CSMD1: variants seen among roughly 807,000 people sequenced by gnomAD.
The protein encoded by CSMD1 is CUB and Sushi multiple domains 1.
Under a neutral mutation model 417.5 loss-of-function variants are expected in CSMD1, and 213 were observed. That is an observed-to-expected ratio of 0.51 (90% CI 0.46 to 0.57). The LOEUF (loss-of-function observed/expected upper bound fraction) is 0.57. Ranked by LOEUF, CSMD1 falls within the 20% of genes least tolerant of loss-of-function variation. CSMD1 has a pLI of 0.00. For synonymous variants in CSMD1, 2,862 were observed against 1,736.8 expected, an observed-to-expected ratio of 1.65 and a Z score of -16.11; for missense variants, 6,923 against 4,529.7, an observed-to-expected ratio of 1.53 and a Z score of -15.17.
intron 6 of CSMD1, among the ~76,000 whole-genome samples, chr8:3,733,199 ACACACACT>A (rs61512438): frequency 0.066 from 8,772 of 132,478 alleles, 926 homozygotes; most frequent in African/African-American, 0.21. Flanking sequence ...ACACACACAC[ACACACACT>A]CTCTCTCTCT....
intron 3 of CSMD1, among the ~76,000 whole-genome samples, chr8:4,154,337 G>C (rs924571018): frequency 2.0e-5 from 3 of 152,320 alleles, no homozygotes; most frequent in African/African-American, 4.8e-5. Flanking sequence ...ATGTAGTCCA[G>C]GAGTATTCAG....
intron 1 of CSMD1, among the ~76,000 whole-genome samples, chr8:4,816,057 C>T: frequency 6.6e-6 from 1 of 152,168 alleles, no homozygotes; most frequent in East Asian, 1.9e-4. Flanking sequence ...CACAGATAAA[C>T]ACAGCAGGAC....
At chr8:3,864,409 G>C (rs367932342) in intron 5 of CSMD1, among the ~76,000 whole-genome samples, 2 of 152,268 alleles carry the variant, frequency 1.3e-5, no homozygotes, top group Non-Finnish European at 1.5e-5. Context: ...ATGAAGGTGA[G>C]AAAAAGCATG....
At chr8:4,117,159 C>T (rs749962615) in intron 3 of CSMD1, among the ~76,000 whole-genome samples, 23 of 151,864 alleles carry the variant, frequency 1.5e-4, no homozygotes, top group Non-Finnish European at 3.4e-4. Context: ...GACACGTCCT[C>T]GAATTATCTG....
intron 2 of CSMD1, among the ~76,000 whole-genome samples, chr8:4,463,579 G>T (rs1272770483): frequency 6.6e-6 from 1 of 152,094 alleles, no homozygotes; most frequent in Non-Finnish European, 1.5e-5. Context: ...AAATACAGAA[G>T]AAGTGAACTG....
At chr8:3,003,003 T>C (rs775237392) in intron 52 of CSMD1, among the ~76,000 whole-genome samples, 13 of 152,244 alleles carry the variant, frequency 8.5e-5, no homozygotes, top group Non-Finnish European at 1.3e-4. Context: ...AGAACAATTA[T>C]TTCTTCATTG....
chr8:3,324,752 C>G (rs751205577), intron 23 of CSMD1, among the ~76,000 whole-genome samples: 1 of 152,196 alleles, frequency 6.6e-6, no homozygotes, highest in Non-Finnish European at 1.5e-5. Flanking sequence ...TTCCTTCACC[C>G]CACCTTCCAT....
intron 9 of CSMD1, among the ~76,000 whole-genome samples, chr8:3,584,508 C>T (rs771491971): frequency 3.3e-5 from 5 of 150,932 alleles, no homozygotes; most frequent in Admixed American, 6.6e-5. Flanking sequence ...CTGGATGGAG[C>T]AGCTGTTTCC....
Position 4,656,908 on chromosome 8 carries a change from G to C in CSMD1, c.86-19350C>G, listed in dbSNP as rs557762750. 7.2e-5 allele frequency among the ~76,000 whole-genome samples: 11 copies of C among 152,124 alleles called. No homozygotes were observed. The South Asian group carries it at 2.3e-3, about 32-fold the overall frequency. ...CATCTTATCTGTCCTAATCCATCTG[G>C]GGGCGGCCTGAAACACTGACAAAAG... On this transcript the variant is annotated intron_variant, in intron 1 of 69. Transcript: ENST00000635120.
At chr8:4,121,040 G>A (rs558175993) in intron 3 of CSMD1, among the ~76,000 whole-genome samples, 1 of 152,148 alleles carries the variant, frequency 6.6e-6, no homozygotes, top group South Asian at 2.1e-4. Flanking sequence ...AGTAGTCCAG[G>A]AACAAAGGAG....
At chr8:4,743,608 C>T (rs931400257) in intron 1 of CSMD1, among the ~76,000 whole-genome samples, 10 of 152,072 alleles carry the variant, frequency 6.6e-5, no homozygotes, top group South Asian at 4.1e-4. Context: ...GATAGTCAAA[C>T]GCTATTCAAA....
chr8:4,547,958 G>A (rs1426765778), intron 2 of CSMD1, among the ~76,000 whole-genome samples: 2 of 152,074 alleles, frequency 1.3e-5, no homozygotes, highest in African/African-American at 4.8e-5. Context: ...ACAAAAGAAG[G>A]GTAATTACAT....
intron 41 of CSMD1, among the ~76,000 whole-genome samples, chr8:3,121,576 A>G (rs751619639): frequency 1.3e-5 from 2 of 152,166 alleles, no homozygotes; most frequent in Non-Finnish European, 2.9e-5. Context: ...TATGTCGCTC[A>G]TTACTAACAG....
chr8:4,848,913 T>A (rs1801305655), intron 1 of CSMD1, among the ~76,000 whole-genome samples: 1 of 152,262 alleles, frequency 6.6e-6, no homozygotes, highest in Admixed American at 6.5e-5. Context: ...TTGTACTTTT[T>A]ATTGTTGCTT....
intron 3 of CSMD1, among the ~76,000 whole-genome samples, chr8:4,383,159 T>C (rs565069620): frequency 7.2e-5 from 11 of 152,298 alleles, no homozygotes; most frequent in Admixed American, 1.3e-4. Flanking sequence ...TCAAAATTTC[T>C]CACCTTAGCT....
chr8:3,328,310 C>T (rs1259732619), intron 23 of CSMD1, among the ~76,000 whole-genome samples: 1 of 152,196 alleles, frequency 6.6e-6, no homozygotes, highest in Non-Finnish European at 1.5e-5. Flanking sequence ...CACTGGAGCT[C>T]TGCCTGCCTA....
chr8:4,333,148 C>T (rs1799971389), intron 3 of CSMD1, among the ~76,000 whole-genome samples: 1 of 152,090 alleles, frequency 6.6e-6, no homozygotes, highest in Non-Finnish European at 1.5e-5. Flanking sequence ...CCTGATTGAA[C>T]ATAAGAATTC....
chr8:4,395,529 GT>G (rs200286539), intron 3 of CSMD1, among the ~76,000 whole-genome samples: 4,837 of 147,168 alleles, frequency 0.033, 212 homozygotes, highest in African/African-American at 0.11. Context: ...CCCACCTACT[GT>G]TTTTTTTTTG....
At chr8:3,817,039 C>G (rs1460899769) in intron 5 of CSMD1, among the ~76,000 whole-genome samples, 3 of 151,708 alleles carry the variant, frequency 2.0e-5, no homozygotes, top group Non-Finnish European at 4.4e-5. Context: ...TAGGAGATGA[C>G]AAGAGAGAAA....
Sources: allele counts gnomAD v4.1 joint callset (sites outside exome capture counted in the v4.1 genomes callset), GRCh38; gene constraint gnomAD v4.1.1; transcripts MANE v1.5; gene names NCBI Gene and HGNC (gene_info 2026-07-23, HGNC 2026-07-21).